The following AMPD3 variants were observed in gnomAD, a reference collection of about 807,000 sequenced individuals.
AMPD3 encodes adenosine monophosphate deaminase 3.
A neutral mutation model predicts 82.3 loss-of-function variants in AMPD3; 57 were observed. The ratio of observed to expected loss-of-function variants is 0.69; its 90% CI spans 0.56 to 0.86. AMPD3 has a LOEUF of 0.86. Ranked by LOEUF, AMPD3 falls within the 40% of genes least tolerant of loss-of-function variation. AMPD3 has a pLI of 0.00. For synonymous variants in AMPD3, 381 were observed against 394.7 expected (o/e 0.97, Z 0.41); for missense variants, 870 against 1,003.8 (o/e 0.87, Z 1.80).
intron 10 of AMPD3, chr11:10,499,636 A>T: frequency 1.0e-6 from 1 of 984,716 alleles, no homozygotes; most frequent in African/African-American, 1.7e-5. Context: ...AACTGACGTG[A>T]GTAAAGTGCT....
At position 10,496,513 on chromosome 11, in the gene AMPD3, G is replaced by C. The variant is rs1055908149; in HGVS notation, c.1431-299G>C. ...ATGTTTGGGTCACTGGGAATTTGAG[G>C]ATTCATATCTCAGTCTCTTGGTCAG... On this transcript the variant is annotated intron_variant, in intron 9 of 14. Transcript: ENST00000396553. 5 of 985,326 alleles carry C rather than the reference G, an allele frequency of 5.1e-6. No homozygotes were observed. The Admixed American group carries it at 3.1e-4, about 61-fold the overall frequency. The allele number at this position is 985,326 out of a possible 1,614,324, so 61.0% of individuals were successfully genotyped here. A position where few individuals can be genotyped will look rare whatever the true frequency, so the allele number is the denominator to read the frequency against.
At chr11:10,451,738 G>T (rs1018221189), upstream of AMPD3, among the ~76,000 whole-genome samples, 5 of 152,324 alleles carry the variant, frequency 3.3e-5, no homozygotes, top group Admixed American at 1.3e-4. Context: ...GGCAGCACAA[G>T]GAGGGATTTT....
chr11:10,485,065 T>C, intron 5 of AMPD3, 26 bp downstream of exon 5: 5 of 1,596,418 alleles, frequency 3.1e-6, no homozygotes, highest in South Asian at 2.2e-5. Flanking sequence ...CGCGGCTGCC[T>C]GTCTTTGCAC....
chr11:10,488,037 T>C (rs1849127237), intron 6 of AMPD3, among the ~76,000 whole-genome samples: 1 of 150,862 alleles, frequency 6.6e-6, no homozygotes, highest in Non-Finnish European at 1.5e-5. Context: ...TCTCTGGAGA[T>C]GGGAGTTTGT....
chr11:10,478,355 C>T (rs1030529220), intron 2 of AMPD3, 171 bp from the exon 3 acceptor site: 13 of 984,344 alleles, frequency 1.3e-5, no homozygotes, highest in African/African-American at 1.7e-5. Context: ...CTATCTCAGG[C>T]AGACATGTGT....
intron 2 of AMPD3, among the ~76,000 whole-genome samples, chr11:10,475,434 C>G (rs1019829736): frequency 6.6e-6 from 1 of 152,154 alleles, no homozygotes; most frequent in South Asian, 2.1e-4. Context: ...CTGACACTTA[C>G]GCCCACACGC....
chr11:10,498,317 GA>G (rs1258759394), intron 10 of AMPD3: 1 of 152,628 alleles, frequency 6.6e-6, no homozygotes, highest in African/African-American at 2.4e-5. Flanking sequence ...CAGGAGCATG[GA>G]TGATGTGCTG....
chr11:10,500,704 G>A lies in AMPD3; in HGVS notation c.1721+455G>A, dbSNP rs561364750. 3,669 of 984,960 alleles carry A rather than the reference G, an allele frequency of 3.7e-3. 7 individuals are homozygous for A. Among genetic ancestry groups the A allele is most frequent in the Non-Finnish European group, 4.3e-3 (3,541 of 829,492 alleles). The allele number at this position is 984,960 out of a possible 1,614,324, so 61.0% of individuals were successfully genotyped here. Reference sequence around the variant, plus strand: ...CAGCAAATCACTGCATCTGGCATGCGATAGGCATTGCCCTGGGCACTGGAC... The same window carrying A: ...CAGCAAATCACTGCATCTGGCATGCAATAGGCATTGCCCTGGGCACTGGAC... On this transcript the variant is annotated intron_variant, in intron 11 of 14. Transcript: ENST00000396553.
intron 8 of AMPD3, chr11:10,495,271 C>G (rs1413571201): frequency 2.0e-6 from 2 of 985,338 alleles, no homozygotes; most frequent in Non-Finnish European, 2.4e-6. Flanking sequence ...GCTCACAGCA[C>G]CTGGCCTGGC....
rs112228421 is a variant in AMPD3, at chr11:10,455,853, G to A, written c.-6+405G>A. The stretch of plus-strand genomic sequence containing the variant: ...GGGGCTTTCTGAGAAGAGGCAGGTC[G>A]GGCTGTACCTGAGACCAATCCCCTT... On this transcript the variant is annotated intron_variant, in intron 1 of 14. Transcript: ENST00000396553. 7.4e-4 allele frequency: 711 copies of A among 960,666 alleles called. 5 individuals carry two copies. The African/African-American group carries it at 0.01, about 14-fold the overall frequency. The allele number at this position is 960,666 out of a possible 1,614,324, so 59.5% of individuals were successfully genotyped here.
At position 10,495,046 on chromosome 11, in the gene AMPD3, GTC is replaced by G. The variant is rs1849351962; in HGVS notation, c.1266+22_1266+23del. ...GATGGTCAAGGTGAGTGAACCCTCA[GTC>G]TCTCTGAGGCCTCTCAGGTGCCTCC... On this transcript the variant is annotated intron_variant, in intron 8 of 14. Coordinates refer to ENST00000396553, the MANE Select transcript of AMPD3 (RefSeq NM_001025389.2). 1 of 1,613,954 alleles carries G rather than the reference GTC, an allele frequency of 6.2e-7. No individual in the cohort carries two copies. Among genetic ancestry groups the G allele is most frequent in the Admixed American group, 1.7e-5 (1 of 60,002 alleles).
At chr11:10,479,312 C>G (rs1848835419) in intron 3 of AMPD3, among the ~76,000 whole-genome samples, 3 of 152,164 alleles carry the variant, frequency 2.0e-5, no homozygotes, top group Admixed American at 2.0e-4. Flanking sequence ...TGCATGTCTG[C>G]TTCTTGGAGA....
chr11:10,497,700 T>C, intron 10 of AMPD3: 1 of 984,550 alleles, frequency 1.0e-6, no homozygotes, highest in Non-Finnish European at 1.2e-6. Flanking sequence ...TTGTGTGGAG[T>C]TGGCCCAGAA....
intron 3 of AMPD3, among the ~76,000 whole-genome samples, chr11:10,480,425 A>G (rs1375693018): frequency 2.0e-5 from 3 of 152,194 alleles, no homozygotes; most frequent in African/African-American, 7.2e-5. Flanking sequence ...ATCCACTGGA[A>G]GATGTAAAAG....
chr11:10,481,448 T>TGCAAG (rs1848901908), intron 3 of AMPD3: 1 of 985,268 alleles, frequency 1.0e-6, no homozygotes, highest in South Asian at 4.7e-5. Context: ...TGAGGCCGGC[T>TGCAAG]TCTGGGTGTG....
rs114639787 is a variant in AMPD3, at chr11:10,486,670, C to G, written c.810-565C>G. On this transcript the variant is annotated intron_variant, in intron 5 of 14. Coordinates refer to ENST00000396553, the MANE Select transcript of AMPD3 (RefSeq NM_001025389.2). ...AGTTGAGAGATCCTTGGGCCGTGGC[C>G]ATTAGGTCAGGGGGCTGGTTCCTCT... 556 of 985,382 alleles carry G rather than the reference C, an allele frequency of 5.6e-4. No individual in the cohort carries two copies. The African/African-American group carries it at 9.2e-3, about 16-fold the overall frequency. The allele number at this position is 985,382 out of a possible 1,614,324, so 61.0% of individuals were successfully genotyped here.
chr11:10,483,697 G>A (rs1169949821), intron 4 of AMPD3, among the ~76,000 whole-genome samples: 25 of 152,252 alleles, frequency 1.6e-4, no homozygotes, highest in Non-Finnish European at 2.9e-5. Context: ...GCCTGTGGCC[G>A]TGCCTGATGG....
intron 3 of AMPD3, chr11:10,481,402 G>A (rs570684454): frequency 2.0e-6 from 2 of 984,166 alleles, no homozygotes; most frequent in Non-Finnish European, 2.4e-6. Context: ...CATGGGCCTG[G>A]TACAAAAACA....
intron 1 of AMPD3, among the ~76,000 whole-genome samples, chr11:10,457,467 C>G (rs1848131675): frequency 6.6e-6 from 1 of 152,106 alleles, no homozygotes; most frequent in African/African-American, 2.4e-5. Flanking sequence ...ACCACAGGAC[C>G]TGTTTTACCA....
Sources: allele counts gnomAD v4.1 joint callset (sites outside exome capture counted in the v4.1 genomes callset), GRCh38; gene constraint gnomAD v4.1.1; transcripts MANE v1.5; gene names NCBI Gene and HGNC (gene_info 2026-07-23, HGNC 2026-07-21).